Variants in OSBPL3 observed in about 807,000 individuals in gnomAD.
OSBPL3 encodes the protein oxysterol binding protein like 3.
OSBPL3 carries 65 observed loss-of-function variants against 120.1 expected under a neutral mutation model. The ratio of observed to expected loss-of-function variants is 0.54; its 90% confidence interval spans 0.44 to 0.67. The LOEUF (loss-of-function observed/expected upper bound fraction) is 0.67. OSBPL3 is among the 30% of genes least tolerant of loss of function. The pLI, the probability that OSBPL3 is intolerant of heterozygous loss-of-function variation, is 0.00. For missense variants in OSBPL3, 1,004 were observed against 1,082.1 expected (o/e 0.93, Z 1.01); for synonymous variants, 416 against 402.6 (o/e 1.03, Z -0.40).
intron 1 of OSBPL3, among the ~76,000 whole-genome samples, chr7:24,945,995 G>A (rs535639126): frequency 6.6e-6 from 1 of 152,326 alleles, no homozygotes; most frequent in South Asian, 2.1e-4. Context: ...GGCAGCTCTG[G>A]CTCAGGGTCT....
intron 2 of OSBPL3, among the ~76,000 whole-genome samples, chr7:24,890,329 T>C (rs1011806897): frequency 3.3e-5 from 5 of 152,220 alleles, no homozygotes; most frequent in Admixed American, 6.5e-5. Flanking sequence ...GTGACGTGAC[T>C]GGAAACACAG....
In OSBPL3 at chr7:24,940,210, G is replaced by T. The variant is rs376854678; in HGVS notation, c.-150+39676C>A. Among the ~76,000 whole-genome samples the T allele has an allele frequency of 9.9e-5, 15 of 152,254 alleles. No individual in the cohort carries two copies. In the East Asian group the frequency reaches 1.4e-3, roughly 14 times the overall value. On this transcript the variant is annotated intron_variant, in intron 1 of 22. Transcript: ENST00000313367. The surrounding 1 kb of genome is among the most constrained non-coding windows in gnomAD (Gnocchi z 4.4). ...CTTTGGATCTGAAAATATATTTTCA[G>T]ATCAAAAGCTTCTGTTAATATTAAA...
Position 24,966,036 on chromosome 7 carries a change from T to A in OSBPL3, c.-150+13850A>T, listed in dbSNP as rs1476206120. ...TCACATCCATTGACACCTGGCTAAG[T>A]CTCACACAAGTCATCTGAGAGAGAG... is the stretch of plus-strand genomic sequence containing the variant. On this transcript the variant is annotated intron_variant, in intron 1 of 22. Transcript: ENST00000313367. This position sits in a 1 kb window ranked among gnomAD's most constrained non-coding sequence, Gnocchi z 4.8. 6.6e-6 allele frequency among the ~76,000 whole-genome samples: 1 copy of A among 152,150 alleles called. No individual in the cohort carries two copies. Among genetic ancestry groups the A allele is most frequent in the Non-Finnish European group, 1.5e-5 (1 of 68,036 alleles).
chr7:24,868,363 GTGTGTGTC>G (rs1368239863), intron 5 of OSBPL3, among the ~76,000 whole-genome samples: 3,381 of 150,300 alleles, frequency 0.022, 170 homozygotes, highest in East Asian at 0.19. Context: ...GTGTGTGTGT[GTGTGTGTC>G]TGTGTGTGAT....
rs1353774181 is a variant in OSBPL3 at position 24,824,727 on chromosome 7, A to C, written c.1885-4489T>G. ...GTGGGTAAGACAAACGACACATAAGAAGCACATAATTTGTCAGTAGAAATT... is the reference window on the plus strand; with the variant it reads ...GTGGGTAAGACAAACGACACATAAGCAGCACATAATTTGTCAGTAGAAATT... On this transcript the variant is annotated intron_variant, in intron 16 of 22. Transcript: ENST00000313367. This position sits in a 1 kb window ranked among gnomAD's most constrained non-coding sequence, Gnocchi z 4.9. 1.3e-5 allele frequency among the ~76,000 whole-genome samples: 2 copies of C among 152,240 alleles called. No homozygotes were observed. The highest frequency in any genetic ancestry group is 2.4e-5 in the African/African-American group (1 of 41,470).
Position 24,852,376 on chromosome 7 carries a change from G to T in OSBPL3, c.1158+128C>A. The T allele has an allele frequency of 1.4e-6, 1 of 740,432 alleles. No homozygotes were observed. Among genetic ancestry groups the T allele is most frequent in the Non-Finnish European group, 2.0e-6 (1 of 504,712 alleles). The allele number at this position is 740,432 out of a possible 1,614,324, so 45.9% of individuals were successfully genotyped here. A position where few individuals can be genotyped will look rare whatever the true frequency, so the allele number is the denominator to read the frequency against. On this transcript the variant is annotated intron_variant, in intron 11 of 22. Transcript: ENST00000313367. The surrounding 1 kb of genome is among the most constrained non-coding windows in gnomAD (Gnocchi z 4.1). ...TTCAAATAAGCAGATTTGATGAAAGGTTAGAATATAATTTGGATAATTTGG... is the reference window on the plus strand; with the variant it reads ...TTCAAATAAGCAGATTTGATGAAAGTTTAGAATATAATTTGGATAATTTGG...
rs1022549185 is a variant in OSBPL3 at position 24,830,243 on chromosome 7, C to G, written c.1884+525G>C. ...ACTCCTGTCCGGACCCCTCACCCCC[C>G]ACCCCACTGCAATATCCTAGCACCT... On this transcript the variant is annotated intron_variant, in intron 16 of 22. Transcript: ENST00000313367. This position sits in a 1 kb window ranked among gnomAD's most constrained non-coding sequence, Gnocchi z 4.4. Among the ~76,000 whole-genome samples, 1 of 152,208 alleles carries G rather than the reference C, an allele frequency of 6.6e-6. No individual in the cohort carries two copies. The highest frequency in any genetic ancestry group is 1.5e-5 in the Non-Finnish European group (1 of 68,036).
Position 24,866,151 on chromosome 7 carries a change from T to G in OSBPL3, c.468A>C (p.Pro156=), listed in dbSNP as rs113523364. ...MYRQNEIAMF[P]HEVNHFFSGS... ...CTGAGAAAAAGTGGTTAACTTCATG[T>G]GGAAACATGGCAATTTCATTCTGAC... is the stretch of plus-strand genomic sequence containing the variant. Residue 156 remains proline, a synonymous_variant, in exon 6 of 23, where the codon CCA becomes CCC. Transcript: ENST00000313367. 1.2e-3 allele frequency: 1,959 copies of G among 1,613,198 alleles called. 21 individuals are homozygous for G. In the African/African-American group the frequency reaches 0.018, roughly 15 times the overall value.
chr7:24,886,687 A>G (rs1804576219), intron 2 of OSBPL3, among the ~76,000 whole-genome samples: 1 of 152,254 alleles, frequency 6.6e-6, no homozygotes, highest in South Asian at 2.1e-4. Flanking sequence ...AAACAACCAT[A>G]TACTTTTTTA....
chr7:24,859,649 T>C (rs1281322305), intron 10 of OSBPL3, among the ~76,000 whole-genome samples: 1 of 152,168 alleles, frequency 6.6e-6, no homozygotes, highest in African/African-American at 2.4e-5. Context: ...GCTGGCTGCT[T>C]TGTAACCATG....
chr7:24,806,752 G>A lies in OSBPL3; in HGVS notation c.2444+24C>T, dbSNP rs757231270. The A allele has an allele frequency of 6.2e-7, 1 of 1,610,744 alleles. No individual in the cohort carries two copies. Among genetic ancestry groups the A allele is most frequent in the Admixed American group, 1.7e-5 (1 of 59,518 alleles). ...GTAAAGGGTTTTACATCTCTGGAGA[G>A]AAAAATCTTTAAAAAATCCTTACCT... On this transcript the variant is annotated intron_variant, in intron 21 of 22. Coordinates refer to ENST00000313367, the MANE Select transcript of OSBPL3 (RefSeq NM_015550.4). This position sits in a 1 kb window ranked among gnomAD's most constrained non-coding sequence, Gnocchi z 5.2.
In OSBPL3 at chr7:24,898,253, C is replaced by T. The variant is rs935782914; in HGVS notation, c.-149-5632G>A. ...AGGTTCTAATCACAACTTCAGATAC[C>T]GATCGGTGATCCCGGACCTCTGAAG... On this transcript the variant is annotated intron_variant, in intron 1 of 22. Transcript: ENST00000313367. This position sits in a 1 kb window ranked among gnomAD's most constrained non-coding sequence, Gnocchi z 4.3. Among the ~76,000 whole-genome samples, 2 of 152,138 alleles carry T rather than the reference C, an allele frequency of 1.3e-5. No homozygotes were observed. The highest frequency in any genetic ancestry group is 2.4e-5 in the African/African-American group (1 of 41,432).
rs1806693440 is a variant in OSBPL3, at chr7:24,899,696, T to C, written c.-149-7075A>G. 6.6e-6 allele frequency among the ~76,000 whole-genome samples: 1 copy of C among 152,234 alleles called. No individual in the cohort carries two copies. The stretch of plus-strand genomic sequence containing the variant: ...CTCTGCAGCCTGACATTAATTTGTC[T>C]GTTAATTAGCATTTCTGCATACAAA... On this transcript the variant is annotated intron_variant, in intron 1 of 22. Transcript: ENST00000313367. This position sits in a 1 kb window ranked among gnomAD's most constrained non-coding sequence, Gnocchi z 4.0.
In OSBPL3 at chr7:24,804,654, A is replaced by G. The variant is rs992479423; in HGVS notation, c.2445-217T>C. ...ATAATTCAAAAATTATATCTACAAA[A>G]AAGAATTTGGGGCAAAGTCTTCCTT... On this transcript the variant is annotated intron_variant, in intron 21 of 22. Transcript: ENST00000313367. The surrounding 1 kb of genome is among the most constrained non-coding windows in gnomAD (Gnocchi z 5.4). 3.3e-5 allele frequency among the ~76,000 whole-genome samples: 5 copies of G among 152,174 alleles called. No individual in the cohort carries two copies. Among genetic ancestry groups the G allele is most frequent in the Non-Finnish European group, 7.3e-5 (5 of 68,030 alleles).
intron 10 of OSBPL3, among the ~76,000 whole-genome samples, chr7:24,858,965 T>C (rs1800168438): frequency 6.6e-6 from 1 of 152,248 alleles, no homozygotes; most frequent in African/African-American, 2.4e-5. Flanking sequence ...AAACTTAAGA[T>C]GCCCTAATTG....
intron 12 of OSBPL3, 74 bp downstream of exon 12, chr7:24,848,995 G>A (rs544917112): frequency 7.8e-6 from 8 of 1,026,902 alleles, no homozygotes; most frequent in South Asian, 2.8e-5. Flanking sequence ...CAGGGAGGTC[G>A]TGCAATGGGA....
At chr7:24,935,964 T>C (rs989753475) in intron 1 of OSBPL3, among the ~76,000 whole-genome samples, 2 of 152,108 alleles carry the variant, frequency 1.3e-5, no homozygotes, top group African/African-American at 4.8e-5. Context: ...ACATGTGCCA[T>C]GCTGGTGTGC....
intron 6 of OSBPL3, among the ~76,000 whole-genome samples, 177 bp downstream of exon 6, chr7:24,865,893 A>G (rs1801242520): frequency 3.3e-5 from 5 of 152,062 alleles, no homozygotes. Context: ...CAACTAATAG[A>G]TGCTTGTCTG....
At chr7:24,880,309 C>T (rs1482793024) in intron 2 of OSBPL3, among the ~76,000 whole-genome samples, 1 of 152,102 alleles carries the variant, frequency 6.6e-6, no homozygotes, top group East Asian at 1.9e-4. Flanking sequence ...CGCAGAACCT[C>T]GCAGCTGAGT....
Sources: allele counts gnomAD v4.1 joint callset (sites outside exome capture counted in the v4.1 genomes callset), GRCh38; gene constraint gnomAD v4.1.1; non-coding constraint Gnocchi (gnomAD v3.1); transcripts MANE v1.5; gene names NCBI Gene and HGNC (gene_info 2026-07-23, HGNC 2026-07-21).